Variants in NAB1 observed in about 807,000 individuals in gnomAD.
NAB1 encodes the protein NGFI-A binding protein 1, also known as NGFI-A-binding protein 1.
A neutral mutation model predicts 49.9 loss-of-function variants in NAB1; 25 were observed. The observed-to-expected ratio is 0.50, with a 90% CI of 0.37 to 0.70. NAB1 has a LOEUF of 0.70. Among genes scored for constraint, NAB1 ranks in the 30% least tolerant of loss-of-function variants. The probability of loss-of-function intolerance (pLI) is 0.00; values close to 1 mark genes in which losing one functional copy is unlikely to be tolerated. For missense variants in NAB1, 489 were observed against 575.9 expected (o/e 0.85, Z 1.54); for synonymous variants, 198 against 215.6 (o/e 0.92, Z 0.71).
At chr2:190,655,478 T>C (rs1232078917) in intron 2 of NAB1, among the ~76,000 whole-genome samples, 2 of 151,748 alleles carry the variant, frequency 1.3e-5, no homozygotes, top group Non-Finnish European at 2.9e-5. Context: ...ATATAATAGG[T>C]GAAAGAAGGA....
In NAB1 at chr2:190,669,460, G is replaced by T. The variant is rs1180286985; in HGVS notation, c.820-866G>T. ...AAGTACCAAGCCTCTCAAAAGTTTT[G>T]CATGTCCAGAGTCACAGCTGGTAAA... On this transcript the variant is annotated intron_variant, in intron 4 of 9. Coordinates refer to ENST00000337386, the MANE Select transcript of NAB1 (RefSeq NM_005966.4). The surrounding 1 kb of genome is among the most constrained non-coding windows in gnomAD (Gnocchi z 4.3). Among the ~76,000 whole-genome samples, 2 of 152,100 alleles carry T rather than the reference G, an allele frequency of 1.3e-5. No individual in the cohort carries two copies. The highest frequency in any genetic ancestry group is 2.9e-5 in the Non-Finnish European group (2 of 68,018).
intron 9 of NAB1, among the ~76,000 whole-genome samples, chr2:190,687,569 T>C (rs981521950): frequency 3.3e-5 from 5 of 152,160 alleles, no homozygotes; most frequent in Admixed American, 1.3e-4. Context: ...ACCTTTGGTG[T>C]AATGCAAATA....
rs1327348415 is a variant in NAB1, at chr2:190,684,473, T to C, written c.1095+646T>C. 6.6e-6 allele frequency among the ~76,000 whole-genome samples: 1 copy of C among 152,228 alleles called. No individual in the cohort carries two copies. Among genetic ancestry groups the C allele is most frequent in the East Asian group, 1.9e-4 (1 of 5,206 alleles). On this transcript the variant is annotated intron_variant, in intron 7 of 9. Coordinates refer to ENST00000337386, the MANE Select transcript of NAB1 (RefSeq NM_005966.4). The surrounding 1 kb of genome is among the most constrained non-coding windows in gnomAD (Gnocchi z 4.6). ...ATGTTAGGATGAAAAATACATTTTT[T>C]ACCTCAGATATGCTTATTTAAATTT... is the stretch of plus-strand genomic sequence containing the variant.
chr2:190,653,304 A>G (rs890408830), intron 2 of NAB1, among the ~76,000 whole-genome samples: 4 of 152,186 alleles, frequency 2.6e-5, no homozygotes, highest in African/African-American at 9.7e-5. Context: ...AATGTGCATC[A>G]GATCTTGTCT....
Position 190,659,402 on chromosome 2 carries a change from G to T in NAB1, c.226G>T (p.Val76Phe), listed in dbSNP as rs758370257. ...RRLQKALRDWVTNPGLFNQPL... is the reference protein window; with the variant it reads ...RRLQKALRDWFTNPGLFNQPL... The stretch of plus-strand genomic sequence containing the variant: ...GCTGCAGAAGGCTTTGAGAGACTGG[G>T]TCACAAACCCTGGGCTTTTCAATCA... Residue 76 changes from valine (V) to phenylalanine (F), a missense_variant, in exon 4 of 10, where the codon GTC (valine) becomes TTC (phenylalanine). By Grantham distance (50) the Val-to-Phe change is conservative. Around this residue, in one of 4 missense-constraint regions of NAB1, gnomAD observed 204 missense variants for 220.9 expected, o/e 0.92. Coordinates refer to ENST00000337386, the MANE Select transcript of NAB1 (RefSeq NM_005966.4). The surrounding 1 kb of genome is among the most constrained non-coding windows in gnomAD (Gnocchi z 6.2). 2 of 1,614,100 alleles carry T rather than the reference G, an allele frequency of 1.2e-6. No homozygotes were observed. The highest frequency in any genetic ancestry group is 1.7e-6 in the Non-Finnish European group (2 of 1,180,026).
intron 6 of NAB1, among the ~76,000 whole-genome samples, chr2:190,681,293 C>T (rs1448246887): frequency 6.6e-6 from 1 of 152,152 alleles, no homozygotes; most frequent in Non-Finnish European, 1.5e-5. Flanking sequence ...TTGTAGACCC[C>T]TGGAAAATGA....
intron 5 of NAB1, 68 bp from the exon 6 acceptor site, chr2:190,673,033 G>A: frequency 6.8e-7 from 1 of 1,473,958 alleles, no homozygotes; most frequent in Non-Finnish European, 9.3e-7. Context: ...TATAGGCTGA[G>A]ATGCCTTTGG....
rs1693516442 is a variant in NAB1, at chr2:190,649,270, AG to A, written c.-423del. ...GGGCGTCCCGGCTCCTGCAGCCGCC[AG>A]AGGAGGGAGAGCCGGGGGCCGTCGC... On this transcript the variant is annotated 5_prime_UTR_variant, in exon 1 of 10. The change creates a premature stop within an existing upstream ORF in the 5' untranslated region. Coordinates refer to ENST00000337386, the MANE Select transcript of NAB1 (RefSeq NM_005966.4). This position sits in a 1 kb window ranked among gnomAD's most constrained non-coding sequence, Gnocchi z 6.1. The A allele has an allele frequency of 6.6e-6, 1 of 151,794 alleles. No homozygotes were observed. Among genetic ancestry groups the A allele is most frequent in the Non-Finnish European group, 1.5e-5 (1 of 67,972 alleles). The allele number at this position is 151,794 out of a possible 1,614,324, so 9.4% of individuals were successfully genotyped here.
chr2:190,672,697 T>G (rs1445011065), intron 5 of NAB1, among the ~76,000 whole-genome samples: 1 of 152,118 alleles, frequency 6.6e-6, no homozygotes, highest in East Asian at 1.9e-4. Context: ...AGTGCTAGGC[T>G]GGGCACAGTG....
In NAB1 at chr2:190,674,914, C is replaced by A. The variant is rs1055586943; in HGVS notation, c.1005+1762C>A. 2.0e-5 allele frequency among the ~76,000 whole-genome samples: 3 copies of A among 152,178 alleles called. No homozygotes were observed. The highest frequency in any genetic ancestry group is 4.8e-5 in the African/African-American group (2 of 41,436). On this transcript the variant is annotated intron_variant, in intron 6 of 9. Coordinates refer to ENST00000337386, the MANE Select transcript of NAB1 (RefSeq NM_005966.4). This position sits in a 1 kb window ranked among gnomAD's most constrained non-coding sequence, Gnocchi z 5.7. The stretch of plus-strand genomic sequence containing the variant: ...CCCAAAAAAGTACTTATATTTGTAA[C>A]CTACCTCACTGTTAGCTCTGGAATA...
chr2:190,661,642 C>T (rs1694233679), intron 4 of NAB1, among the ~76,000 whole-genome samples: 1 of 152,066 alleles, frequency 6.6e-6, no homozygotes, highest in African/African-American at 2.4e-5. Flanking sequence ...CTAAGGGGCT[C>T]TTTGCCTCTT....
At chr2:190,671,613 C>T (rs1212703317) in intron 5 of NAB1, among the ~76,000 whole-genome samples, 1 of 151,802 alleles carries the variant, frequency 6.6e-6, no homozygotes, top group Non-Finnish European at 1.5e-5. Context: ...CAAAGTGATA[C>T]ATGTCCACAG....
Position 190,682,856 on chromosome 2 carries a change from G to GT in NAB1, c.1006-881dup, listed in dbSNP as rs1695416170. On this transcript the variant is annotated intron_variant, in intron 6 of 9. Coordinates refer to ENST00000337386, the MANE Select transcript of NAB1 (RefSeq NM_005966.4). This position sits in a 1 kb window ranked among gnomAD's most constrained non-coding sequence, Gnocchi z 4.1. ...GTATTGCTTGTGGTATGATAAACTA[G>GT]TAAAGGCCCTCTATAGGTTTAGCGA... Among the ~76,000 whole-genome samples the GT allele has an allele frequency of 6.6e-6, 1 of 152,136 alleles. No homozygotes were observed. The highest frequency in any genetic ancestry group is 2.1e-4 in the South Asian group (1 of 4,826).
chr2:190,651,029 T>C lies in NAB1; in HGVS notation c.-197+1047T>C, dbSNP rs1157164554. On this transcript the variant is annotated intron_variant, in intron 2 of 9. Coordinates refer to ENST00000337386, the MANE Select transcript of NAB1 (RefSeq NM_005966.4). This position sits in a 1 kb window ranked among gnomAD's most constrained non-coding sequence, Gnocchi z 4.3. ...GCCATTTCGAGATTAAAAATGTTTTTTTCCCGACTCTGATGGTCTCTTGTT... is the reference window on the plus strand; with the variant it reads ...GCCATTTCGAGATTAAAAATGTTTTCTTCCCGACTCTGATGGTCTCTTGTT... 1.3e-5 allele frequency among the ~76,000 whole-genome samples: 2 copies of C among 152,196 alleles called. No individual in the cohort carries two copies. The highest frequency in any genetic ancestry group is 4.8e-5 in the African/African-American group (2 of 41,450).
At position 190,659,881 on chromosome 2, in the gene NAB1, C is replaced by T; in HGVS notation, c.705C>T (p.Ile235=). The change falls in exon 4 of 10, where the codon ATC becomes ATT. Residue 235 remains isoleucine, a synonymous_variant. Coordinates refer to ENST00000337386, the MANE Select transcript of NAB1 (RefSeq NM_005966.4). The surrounding 1 kb of genome is among the most constrained non-coding windows in gnomAD (Gnocchi z 6.2). ...AGTTGGCCAAAATGATTGGTCACATCTTTGAGATGAACGATGATGATCCAC... is the reference window on the plus strand; with the variant it reads ...AGTTGGCCAAAATGATTGGTCACATTTTTGAGATGAACGATGATGATCCAC... The part of the protein sequence containing the change: ...NKKLAKMIGH[I]FEMNDDDPHK... The T allele has an allele frequency of 6.2e-7, 1 of 1,614,114 alleles. No individual in the cohort carries two copies. Among genetic ancestry groups the T allele is most frequent in the Non-Finnish European group, 8.5e-7 (1 of 1,180,008 alleles).
At position 190,670,324 on chromosome 2, in the gene NAB1, A is replaced by G; in HGVS notation, c.820-2A>G. ...TTTTGAAACTCTGTTTTGGATATCC[A>G]GCTCACTGTTAATGAAGCGGCTGCT... is the stretch of plus-strand genomic sequence containing the variant. On this transcript the variant is annotated splice_acceptor_variant, in intron 4 of 9. Coordinates refer to ENST00000337386, the MANE Select transcript of NAB1 (RefSeq NM_005966.4). LOFTEE classifies it high-confidence loss of function. This position sits in a 1 kb window ranked among gnomAD's most constrained non-coding sequence, Gnocchi z 5.3. The G allele has an allele frequency of 6.2e-7, 1 of 1,602,640 alleles. No individual in the cohort carries two copies. The highest frequency in any genetic ancestry group is 8.5e-7 in the Non-Finnish European group (1 of 1,176,732).
intron 2 of NAB1, among the ~76,000 whole-genome samples, chr2:190,655,269 C>T (rs769809202): frequency 6.6e-6 from 1 of 152,122 alleles, no homozygotes; most frequent in Non-Finnish European, 1.5e-5. Context: ...TTTCACTCAG[C>T]AGTTGGTGCT....
rs1425401080 is a variant in NAB1, at chr2:190,651,464, A to G, written c.-197+1482A>G. On this transcript the variant is annotated intron_variant, in intron 2 of 9. Coordinates refer to ENST00000337386, the MANE Select transcript of NAB1 (RefSeq NM_005966.4). The surrounding 1 kb of genome is among the most constrained non-coding windows in gnomAD (Gnocchi z 4.3). ...GGATGCTTCTTTGAAAGAAGAAATT[A>G]TAAACTGGGGGACATCTTTGATGAA... is the stretch of plus-strand genomic sequence containing the variant. Among the ~76,000 whole-genome samples the G allele has an allele frequency of 6.6e-6, 1 of 152,218 alleles. No individual in the cohort carries two copies. Among genetic ancestry groups the G allele is most frequent in the African/African-American group, 2.4e-5 (1 of 41,460 alleles).
intron 5 of NAB1, among the ~76,000 whole-genome samples, chr2:190,672,221 C>A (rs1694847808): frequency 1.3e-5 from 2 of 152,116 alleles, no homozygotes; most frequent in South Asian, 2.1e-4. Flanking sequence ...ATTCATTTAG[C>A]CCCTATTGAT....
Sources: gnomAD v4.1 joint callset for allele counts (sites outside exome capture counted in the v4.1 genomes callset) on GRCh38, gnomAD v4.1.1 for gene constraint, gnomAD v4.1.1 regional missense constraint, Gnocchi (gnomAD v3.1) non-coding constraint, MANE v1.5 for transcripts, NCBI Gene and HGNC (gene_info 2026-07-23, HGNC 2026-07-21) for gene names.